Variants in DBF4 observed in about 807,000 individuals in gnomAD.
The protein encoded by DBF4 is DBF4-CDC7 kinase regulatory subunit.
DBF4 carries 25 observed loss-of-function variants against 76.6 expected under a neutral mutation model. That is an observed-to-expected ratio of 0.33 (90% CI 0.24 to 0.46). The LOEUF is 0.46. Among genes scored for constraint, DBF4 ranks in the 20% least tolerant of loss-of-function variants. DBF4 has a pLI of 1.00. For synonymous variants in DBF4, 213 were observed against 258.0 expected, an observed-to-expected ratio of 0.83 and a Z score of 1.67; for missense variants, 638 against 760.8, an observed-to-expected ratio of 0.84 and a Z score of 1.90.
intron 6 of DBF4, among the ~76,000 whole-genome samples, chr7:87,891,380 T>G (rs572561949): frequency 6.6e-6 from 1 of 152,292 alleles, no homozygotes; most frequent in East Asian, 1.9e-4. Context: ...CTTTAAATGT[T>G]TGGTAGAATT....
intron 2 of DBF4, among the ~76,000 whole-genome samples, chr7:87,884,456 G>A (rs955547536): frequency 6.6e-6 from 1 of 152,192 alleles, no homozygotes; most frequent in African/African-American, 2.4e-5. Context: ...TAGATCATGG[G>A]CTTGAGTCAG....
At chr7:87,881,810 AAC>A (rs945842621) in intron 2 of DBF4, among the ~76,000 whole-genome samples, 34 of 152,364 alleles carry the variant, frequency 2.2e-4, no homozygotes, top group African/African-American at 8.2e-4. Flanking sequence ...TTGCTATTAG[AAC>A]ACAGAGATAG....
chr7:87,898,113 A>G (rs1839685511), intron 8 of DBF4, among the ~76,000 whole-genome samples: 1 of 152,242 alleles, frequency 6.6e-6, no homozygotes, highest in African/African-American at 2.4e-5. Flanking sequence ...ACAGATATAA[A>G]TAGGCCTGCC....
intron 8 of DBF4, among the ~76,000 whole-genome samples, chr7:87,899,739 T>G (rs1040107173): frequency 3.9e-5 from 6 of 152,218 alleles, no homozygotes; most frequent in Admixed American, 3.9e-4. Flanking sequence ...GATAAACCTT[T>G]AAGACGTTAT....
At chr7:87,884,460 G>A (rs1839294358) in intron 2 of DBF4, among the ~76,000 whole-genome samples, 1 of 152,202 alleles carries the variant, frequency 6.6e-6, no homozygotes, top group Non-Finnish European at 1.5e-5. Context: ...TCATGGGCTT[G>A]AGTCAGAATG....
Position 87,907,127 on chromosome 7 carries a change from ACTC to A in DBF4, c.1050-60_1050-58del, listed in dbSNP as rs557556326. On this transcript the variant is annotated intron_variant, in intron 11 of 11. Coordinates refer to ENST00000265728, the MANE Select transcript of DBF4 (RefSeq NM_006716.4). ...GTTTTTACTAATTTAATTTCTAACT[ACTC>A]AGGAATTTGTTTTGATAGCAATTAT... 421 of 1,380,314 alleles carry A rather than the reference ACTC, an allele frequency of 3.1e-4. No individual in the cohort carries two copies. The African/African-American group carries it at 5.2e-3, about 17-fold the overall frequency. 85.5% of individuals were successfully genotyped at this position (1,380,314 alleles called of 1,614,324 possible). A position where few individuals can be genotyped will look rare whatever the true frequency, so the allele number is the denominator to read the frequency against.
At chr7:87,892,311 T>C (rs980744251) in intron 6 of DBF4, among the ~76,000 whole-genome samples, 3 of 152,256 alleles carry the variant, frequency 2.0e-5, no homozygotes, top group African/African-American at 7.2e-5. Flanking sequence ...TTTTGCCTTT[T>C]CCACAGTGTC....
intron 4 of DBF4, 39 bp downstream of exon 4, chr7:87,886,933 T>C: frequency 7.3e-7 from 1 of 1,365,604 alleles, no homozygotes; most frequent in Non-Finnish European, 1.0e-6. Context: ...GTACATTTTG[T>C]TATTAAAAAC....
rs1839991955 is a variant in DBF4, at chr7:87,909,532, C to CT, written c.*1372dup. On this transcript the variant is annotated 3_prime_UTR_variant, in exon 12 of 12. Transcript: ENST00000265728. ...CCTGAAGTAGGCTCAATAAAAGAGT[C>CT]TTTACAGTGCATACACGCAAACCCT... The CT allele has an allele frequency of 6.6e-6, 1 of 152,194 alleles. No individual in the cohort carries two copies. The highest frequency in any genetic ancestry group is 1.5e-5 in the Non-Finnish European group (1 of 68,030). The allele number at this position is 152,194 out of a possible 1,614,324, so 9.4% of individuals were successfully genotyped here. A position where few individuals can be genotyped will look rare whatever the true frequency, so the allele number is the denominator to read the frequency against.
In DBF4 at chr7:87,908,784, A is replaced by G. The variant is rs10233682; in HGVS notation, c.*621A>G. 0.28 allele frequency: 42,883 copies of G among 152,114 alleles called. 7,443 individuals carry two copies. Among genetic ancestry groups the G allele is most frequent in the African/African-American group, 0.48 (19,806 of 41,446 alleles). 9.4% of individuals were successfully genotyped at this position (152,114 alleles called of 1,614,324 possible). A position where few individuals can be genotyped will look rare whatever the true frequency, so the allele number is the denominator to read the frequency against. ...AATTACTTACCTTGTAAATAACTTT[A>G]ATAATATTCAAAAGTTGACTCTCCT... On this transcript the variant is annotated 3_prime_UTR_variant, in exon 12 of 12. Coordinates refer to ENST00000265728, the MANE Select transcript of DBF4 (RefSeq NM_006716.4).
intron 7 of DBF4, among the ~76,000 whole-genome samples, chr7:87,896,751 G>A (rs1443641072): frequency 6.6e-6 from 1 of 152,120 alleles, no homozygotes; most frequent in Non-Finnish European, 1.5e-5. Flanking sequence ...ATATTAAAAT[G>A]TAGTTACCAA....
chr7:87,882,991 A>T (rs1367104453), intron 2 of DBF4, among the ~76,000 whole-genome samples: 1 of 152,206 alleles, frequency 6.6e-6, no homozygotes, highest in African/African-American at 2.4e-5. Flanking sequence ...GGTCTCAAAG[A>T]TATTTATTAT....
chr7:87,904,120 T>C (rs1187022663), intron 10 of DBF4, among the ~76,000 whole-genome samples, 172 bp from the exon 11 acceptor site: 1 of 152,220 alleles, frequency 6.6e-6, no homozygotes, highest in Non-Finnish European at 1.5e-5. Context: ...AAAGTGACTT[T>C]TATTTTATTT....
chr7:87,876,918 C>T (rs1839065565), intron 1 of DBF4, 140 bp downstream of exon 1: 2 of 899,260 alleles, frequency 2.2e-6, no homozygotes, highest in Admixed American at 2.3e-5. Context: ...AGGAAGGAGC[C>T]CCCGTTCAGT....
At chr7:87,887,862 C>A in intron 5 of DBF4, 121 bp from the exon 6 acceptor site, 1 of 976,688 alleles carries the variant, frequency 1.0e-6, no homozygotes, top group Non-Finnish European at 1.4e-6. Context: ...AACATTCAGA[C>A]CATAGCATAA....
At chr7:87,900,549 T>G in intron 9 of DBF4, among the ~76,000 whole-genome samples, 200 bp downstream of exon 9, 1 of 152,094 alleles carries the variant, frequency 6.6e-6, no homozygotes, top group South Asian at 2.1e-4. Context: ...TGAAAATGTG[T>G]AGTTTATCTT....
chr7:87,881,546 G>C (rs1839213986), intron 2 of DBF4, among the ~76,000 whole-genome samples: 1 of 152,234 alleles, frequency 6.6e-6, no homozygotes, highest in East Asian at 1.9e-4. Context: ...ATTAGTTCCA[G>C]CTGAGGAATT....
intron 10 of DBF4, among the ~76,000 whole-genome samples, chr7:87,902,230 G>C (rs1471784011): frequency 1.3e-5 from 2 of 152,166 alleles, no homozygotes; most frequent in East Asian, 1.9e-4. Flanking sequence ...AGTGAAAGCA[G>C]ATGTTGAGAT....
intron 1 of DBF4, among the ~76,000 whole-genome samples, chr7:87,877,639 A>G (rs1310133556): frequency 1.3e-5 from 2 of 152,236 alleles, no homozygotes; most frequent in Non-Finnish European, 2.9e-5. Context: ...GGACTAGGTT[A>G]TTCTGCGTAA....
Sources: allele counts gnomAD v4.1 joint callset (sites outside exome capture counted in the v4.1 genomes callset), GRCh38; gene constraint gnomAD v4.1.1; transcripts MANE v1.5; gene names NCBI Gene and HGNC (gene_info 2026-07-23, HGNC 2026-07-21).